Variants in NCAPD3 observed in about 807,000 individuals in gnomAD.
The protein encoded by NCAPD3 is non-SMC condensin II complex subunit D3.
In NCAPD3, 105 loss-of-function variants were observed where a neutral mutation model predicts 182.9. The observed-to-expected ratio is 0.57, with a 90% confidence interval of 0.49 to 0.68. NCAPD3 has a LOEUF of 0.68. Among genes scored for constraint, NCAPD3 ranks in the 30% least tolerant of loss-of-function variants. NCAPD3 has a pLI of 0.00. For synonymous variants in NCAPD3, 815 were observed against 679.9 expected, an observed-to-expected ratio of 1.20 and a Z score of -3.09; for missense variants, 1,944 against 1,837.0, an observed-to-expected ratio of 1.06 and a Z score of -1.07.
In NCAPD3 at chr11:134,174,157, G is replaced by A. The variant is rs187371247; in HGVS notation, c.3101+2150C>T. On this transcript the variant is annotated intron_variant, in intron 24 of 34. Coordinates refer to ENST00000534548, the MANE Select transcript of NCAPD3 (RefSeq NM_015261.3). Reference sequence around the variant, plus strand: ...TGTAATTCCCACACTTTGGAAGGCCGAGGTGGGTAGATTGCCTGAGCCCAG... The same window carrying A: ...TGTAATTCCCACACTTTGGAAGGCCAAGGTGGGTAGATTGCCTGAGCCCAG... Among the ~76,000 whole-genome samples, 294 of 152,022 alleles carry A rather than the reference G, an allele frequency of 1.9e-3. 2 individuals are homozygous for A. Among genetic ancestry groups the A allele is most frequent in the Non-Finnish European group, 8.2e-4 (56 of 67,952 alleles).
intron 16 of NCAPD3, among the ~76,000 whole-genome samples, chr11:134,186,596 T>C (rs1479873488): frequency 1.3e-5 from 2 of 152,230 alleles, no homozygotes; most frequent in East Asian, 1.9e-4. Context: ...GACAATGCCA[T>C]ATTATATATT....
Position 134,156,922 on chromosome 11 carries a change from C to T in NCAPD3, c.4252+96G>A, listed in dbSNP as rs1943436670. On this transcript the variant is annotated intron_variant, in intron 32 of 34. Transcript: ENST00000534548. ...TCATGGTTCTGACCATCAGAACTAT[C>T]CTGCACCGGAAGGAGTTTTACTGCG... 3.3e-5 allele frequency: 36 copies of T among 1,095,938 alleles called. No homozygotes were observed. The South Asian group carries it at 4.7e-4, about 14-fold the overall frequency. 67.9% of individuals were successfully genotyped at this position (1,095,938 alleles called of 1,614,324 possible). A position where few individuals can be genotyped will look rare whatever the true frequency, so the allele number is the denominator to read the frequency against.
At chr11:134,158,527 T>A (rs374105681) in intron 29 of NCAPD3, 32 bp from the exon 30 acceptor site, 2 of 1,593,424 alleles carry the variant, frequency 1.3e-6, no homozygotes, top group African/African-American at 2.7e-5. Flanking sequence ...ATGTACATTC[T>A]AATACTTTTT....
intron 32 of NCAPD3, among the ~76,000 whole-genome samples, chr11:134,156,711 C>A (rs573044707): frequency 1.5e-3 from 229 of 152,306 alleles, no homozygotes; most frequent in African/African-American, 4.8e-3. Flanking sequence ...ACACGGAGGG[C>A]CGCCTCCAGA....
At chr11:134,164,253 CCA>C (rs1287245588) in intron 27 of NCAPD3, among the ~76,000 whole-genome samples, 1 of 152,202 alleles carries the variant, frequency 6.6e-6, no homozygotes, top group Non-Finnish European at 1.5e-5. Flanking sequence ...ACACCAGACT[CCA>C]GTCTGCAAGA....
At chr11:134,219,669 T>C (rs545902961) in intron 2 of NCAPD3, among the ~76,000 whole-genome samples, 19 of 152,244 alleles carry the variant, frequency 1.2e-4, no homozygotes, top group Admixed American at 2.6e-4. Context: ...TTTGGTTTTT[T>C]TTGAAAACTA....
chr11:134,178,914 C>G lies in NCAPD3; in HGVS notation c.2582G>C (p.Gly861Ala). ...DLLVKYIFTL[G>A]DIAQLCPARV... ...GGCTGGACACAGCTGGGCTATATCC[C>G]CTAAGGTAAAAATGTACTTCACCTA... Residue 861 changes from glycine (G) to alanine (A), a missense_variant, in exon 21 of 35, where the codon GGG (glycine) becomes GCG (alanine). Transcript: ENST00000534548. 1.2e-6 allele frequency: 2 copies of G among 1,613,828 alleles called. No homozygotes were observed. The highest frequency in any genetic ancestry group is 1.7e-6 in the Non-Finnish European group (2 of 1,179,806).
intron 1 of NCAPD3, chr11:134,223,468 G>A (rs1365386801): frequency 1.4e-5 from 10 of 702,602 alleles, no homozygotes; most frequent in Non-Finnish European, 2.3e-5. Flanking sequence ...CTGCATGTGA[G>A]ACATCCAGTG....
intron 3 of NCAPD3, among the ~76,000 whole-genome samples, chr11:134,216,657 G>A (rs78115284): frequency 0.013 from 1,950 of 152,226 alleles, 36 homozygotes; most frequent in African/African-American, 0.044. Flanking sequence ...TTAGACGGCC[G>A]TGGTGGAGGG....
intron 17 of NCAPD3, 100 bp downstream of exon 17, chr11:134,185,235 C>G: frequency 9.1e-7 from 1 of 1,103,000 alleles, no homozygotes; most frequent in South Asian, 1.6e-5. Flanking sequence ...CAGAAGGTCT[C>G]TGTATATGAA....
chr11:134,201,496 T>C (rs1220605748), intron 13 of NCAPD3, among the ~76,000 whole-genome samples: 1 of 152,202 alleles, frequency 6.6e-6, no homozygotes, highest in Non-Finnish European at 1.5e-5. Context: ...ATTATACACT[T>C]TCCATGGTGA....
At chr11:134,182,874 T>C (rs1327435588) in intron 19 of NCAPD3, 1 of 285,024 alleles carries the variant, frequency 3.5e-6, no homozygotes, top group Non-Finnish European at 7.0e-6. Context: ...GGATTGAAAA[T>C]ATCCTAACAT....
intron 32 of NCAPD3, 108 bp from the exon 33 acceptor site, chr11:134,153,471 G>A (rs1003503379): frequency 2.9e-5 from 34 of 1,170,960 alleles, no homozygotes; most frequent in South Asian, 2.0e-4. Context: ...GTGTCCCAGC[G>A]GCGGCCCTCA....
chr11:134,173,656 C>T (rs1385391401), intron 24 of NCAPD3: 2 of 152,462 alleles, frequency 1.3e-5, no homozygotes, highest in Admixed American at 6.5e-5. Flanking sequence ...ATTGTCTAGA[C>T]TCTATCTGAA....
At chr11:134,165,972 C>T (rs866642705) in intron 27 of NCAPD3, among the ~76,000 whole-genome samples, 4 of 115,924 alleles carry the variant, frequency 3.5e-5, no homozygotes, top group Admixed American at 8.7e-5. Flanking sequence ...GAGGGGCACA[C>T]TCAGTGAGAT....
intron 32 of NCAPD3, among the ~76,000 whole-genome samples, chr11:134,156,035 G>A (rs900518479): frequency 2.0e-5 from 3 of 152,330 alleles, no homozygotes; most frequent in East Asian, 1.9e-4. Flanking sequence ...CTAAACGAAC[G>A]GCAGGACACC....
At chr11:134,193,491 G>A (rs955202578) in intron 15 of NCAPD3, among the ~76,000 whole-genome samples, 1 of 152,202 alleles carries the variant, frequency 6.6e-6, no homozygotes, top group African/African-American at 2.4e-5. Context: ...AGTCACTCAT[G>A]CCTGTAATCC....
rs566269165 is a variant in NCAPD3 at position 134,168,401 on chromosome 11, T to A, written c.3373+68A>T. 22 of 1,599,028 alleles carry A rather than the reference T, an allele frequency of 1.4e-5. No individual in the cohort carries two copies. In the Middle Eastern group the frequency reaches 5.0e-4, roughly 36 times the overall value. On this transcript the variant is annotated intron_variant, in intron 26 of 34. Transcript: ENST00000534548. ...AGGGTCTCCCTTACTAGAGGCCTGC[T>A]GGGCCATTATCAACACAGCATTTCA...
At chr11:134,160,855 G>C (rs1943557304) in intron 28 of NCAPD3, among the ~76,000 whole-genome samples, 1 of 151,952 alleles carries the variant, frequency 6.6e-6, no homozygotes, top group South Asian at 2.1e-4. Context: ...CAAGCAACGT[G>C]TGGCCATCCT....
Sources: allele counts gnomAD v4.1 joint callset (sites outside exome capture counted in the v4.1 genomes callset), GRCh38; gene constraint gnomAD v4.1.1; transcripts MANE v1.5; gene names NCBI Gene and HGNC (gene_info 2026-07-23, HGNC 2026-07-21).